Variants in RXRG observed in about 807,000 individuals in gnomAD.
The protein encoded by RXRG is retinoid X receptor gamma.
RXRG carries 19 observed loss-of-function variants against 49.2 expected under a neutral mutation model. The observed-to-expected ratio is 0.39, with a 90% confidence interval of 0.27 to 0.57. The LOEUF is 0.57. Ranked by LOEUF, RXRG falls within the 20% of genes least tolerant of loss-of-function variation. The pLI is 0.64. For missense variants in RXRG, 452 were observed against 592.5 expected, an observed-to-expected ratio of 0.76 and a Z score of 2.46; for synonymous variants, 224 against 216.6, an observed-to-expected ratio of 1.03 and a Z score of -0.30.
At position 165,429,166 on chromosome 1, in the gene RXRG, C is replaced by T. The variant is rs531314662; in HGVS notation, c.50-200G>A. On this transcript the variant is annotated intron_variant, in intron 1 of 9. Transcript: ENST00000359842. ...GCGAGGGACACAGAGGGGAGAGGGC[C>T]TGCTCTAGGACAGAAATAAGCATGG... Among the ~76,000 whole-genome samples, 8 of 152,254 alleles carry T rather than the reference C, an allele frequency of 5.3e-5. No individual in the cohort carries two copies. In the East Asian group the frequency reaches 9.7e-4, roughly 18 times the overall value.
rs754258823 is a variant in RXRG at position 165,428,691 on chromosome 1, A to G, written c.297+28T>C. On this transcript the variant is annotated intron_variant, in intron 2 of 9. Transcript: ENST00000359842. ...GGGTGAAACCATGTAAGATGGCTGG[A>G]AAGGCCTTGGAGAGGAAGAACACTT... 8.4e-6 allele frequency: 13 copies of G among 1,555,146 alleles called. 1 individual carries two copies. Among genetic ancestry groups the G allele is most frequent in the Non-Finnish European group, 1.0e-5 (12 of 1,146,770 alleles).
chr1:165,420,249 A>G (rs149347387), intron 2 of RXRG, among the ~76,000 whole-genome samples: 1 of 152,182 alleles, frequency 6.6e-6, no homozygotes, highest in Non-Finnish European at 1.5e-5. Context: ...ATCACAACAC[A>G]TCTCCATTAG....
In RXRG at chr1:165,437,733, T is replaced by A. The variant is rs118190203; in HGVS notation, c.49+7112A>T. ...CTCATTGACATCTGCCTCCATGGAC[T>A]AACTGGTACATGATGTACCAGTATA... On this transcript the variant is annotated intron_variant, in intron 1 of 9. Transcript: ENST00000359842. Among the ~76,000 whole-genome samples, 707 of 152,286 alleles carry A rather than the reference T, an allele frequency of 4.6e-3. 17 individuals carry two copies. Among genetic ancestry groups the A allele is most frequent in the Admixed American group, 0.033 (508 of 15,290 alleles).
chr1:165,431,654 G>T (rs1222120238), intron 1 of RXRG, among the ~76,000 whole-genome samples: 2 of 152,158 alleles, frequency 1.3e-5, no homozygotes, highest in Non-Finnish European at 2.9e-5. Flanking sequence ...ATCTCAGAGA[G>T]ACTGCGCCTT....
At chr1:165,417,283 A>T in intron 3 of RXRG, 63 bp from the exon 4 acceptor site, 1 of 1,480,756 alleles carries the variant, frequency 6.8e-7, no homozygotes, top group East Asian at 2.3e-5. Context: ...TTTCATTCAA[A>T]AGAACCTCTT....
In RXRG at chr1:165,401,262, C is replaced by T. The variant is rs1208931634; in HGVS notation, c.*1G>A. The T allele has an allele frequency of 7.4e-6, 12 of 1,613,816 alleles. No homozygotes were observed. The highest frequency in any genetic ancestry group is 1.7e-4 in the Middle Eastern group (1 of 6,032). ...GGTGGGGAGGCTGTGGCTGGTGGGG[C>T]TCAGGTGATCTGCAGCGGGGTCTCC... On this transcript the variant is annotated 3_prime_UTR_variant, in exon 10 of 10. Transcript: ENST00000359842.
chr1:165,433,787 G>C (rs1001166806), intron 1 of RXRG, among the ~76,000 whole-genome samples: 25 of 152,234 alleles, frequency 1.6e-4, no homozygotes, highest in African/African-American at 5.5e-4. Flanking sequence ...ACCAGATGCT[G>C]AGGGGTACCT....
intron 9 of RXRG, among the ~76,000 whole-genome samples, chr1:165,406,541 A>G (rs528425361): frequency 6.6e-6 from 1 of 152,330 alleles, no homozygotes; most frequent in African/African-American, 2.4e-5. Context: ...TCCCACATTT[A>G]TTCATTTGTT....
chr1:165,408,352 C>T, intron 7 of RXRG, 34 bp from the exon 8 acceptor site: 2 of 1,477,664 alleles, frequency 1.4e-6, no homozygotes, highest in Middle Eastern at 1.7e-4. Context: ...AATGAGAAAA[C>T]CGTAAGTAAC....
intron 9 of RXRG, among the ~76,000 whole-genome samples, chr1:165,404,670 A>C (rs1036663405): frequency 6.6e-6 from 1 of 152,244 alleles, no homozygotes; most frequent in African/African-American, 2.4e-5. Flanking sequence ...ACACGAGGAT[A>C]CACACGAGAC....
Position 165,401,092 on chromosome 1 carries a change from A to G in RXRG, c.*171T>C. ...AGCGTATTACCTTTAACATCTATAC[A>G]AAAGTCCACCTATAAAAGTCTCATG... On this transcript the variant is annotated 3_prime_UTR_variant, in exon 10 of 10. Transcript: ENST00000359842. The G allele has an allele frequency of 4.9e-6, 3 of 616,876 alleles. No individual in the cohort carries two copies. 38.2% of individuals were successfully genotyped at this position (616,876 alleles called of 1,614,324 possible).
At chr1:165,426,657 T>C (rs187420552) in intron 2 of RXRG, among the ~76,000 whole-genome samples, 25 of 152,308 alleles carry the variant, frequency 1.6e-4, no homozygotes, top group African/African-American at 5.8e-4. Context: ...AAGCCCTTCC[T>C]CCTCTCTAAA....
intron 3 of RXRG, among the ~76,000 whole-genome samples, chr1:165,419,048 T>C (rs1239034873): frequency 6.6e-6 from 1 of 152,236 alleles, no homozygotes; most frequent in African/African-American, 2.4e-5. Context: ...CTTATTATTG[T>C]TCTTCAAATA....
At chr1:165,418,294 C>A (rs1658200064) in intron 3 of RXRG, among the ~76,000 whole-genome samples, 1 of 152,072 alleles carries the variant, frequency 6.6e-6, no homozygotes, top group Non-Finnish European at 1.5e-5. Flanking sequence ...ATGAATCAAT[C>A]ACAATCCTTT....
At chr1:165,444,793 T>C in intron 1 of RXRG, 52 bp downstream of exon 1, 1 of 1,495,152 alleles carries the variant, frequency 6.7e-7, no homozygotes, top group Non-Finnish European at 9.3e-7. Flanking sequence ...TCCCAATTTC[T>C]TCTCAGTCTC....
chr1:165,444,948 C>T lies in RXRG; in HGVS notation c.-55G>A. The T allele has an allele frequency of 6.5e-7, 1 of 1,544,038 alleles. No homozygotes were observed. Among genetic ancestry groups the T allele is most frequent in the Non-Finnish European group, 9.0e-7 (1 of 1,116,216 alleles). On this transcript the variant is annotated 5_prime_UTR_variant, in exon 1 of 10. Transcript: ENST00000359842. Reference sequence around the variant, plus strand: ...GTGCAGCTTCTAAATATTACCGCCTCTCTCGGCTCCCAGGCACAGCCCGGC... The same window carrying T: ...GTGCAGCTTCTAAATATTACCGCCTTTCTCGGCTCCCAGGCACAGCCCGGC...
In RXRG at chr1:165,401,131, T is replaced by A; in HGVS notation, c.*132A>T. On this transcript the variant is annotated 3_prime_UTR_variant, in exon 10 of 10. Coordinates refer to ENST00000359842, the MANE Select transcript of RXRG (RefSeq NM_006917.5). Reference sequence around the variant, plus strand: ...AAAAGTCTCATGTGTAGAAAGGTTTTCTTTATTATAAGCATCACATTTTGG... The same window carrying A: ...AAAAGTCTCATGTGTAGAAAGGTTTACTTTATTATAAGCATCACATTTTGG... 1.4e-6 allele frequency: 1 copy of A among 731,786 alleles called. No homozygotes were observed. Among genetic ancestry groups the A allele is most frequent in the African/African-American group, 3.2e-5 (1 of 31,144 alleles). 45.3% of individuals were successfully genotyped at this position (731,786 alleles called of 1,614,324 possible).
intron 9 of RXRG, 25 bp downstream of exon 9, chr1:165,406,787 T>C (rs1166135088): frequency 6.5e-7 from 1 of 1,544,210 alleles, no homozygotes; most frequent in South Asian, 1.1e-5. Context: ...CTGCTGTTAC[T>C]ACGATTCTGC....
chr1:165,426,543 A>G (rs1658493384), intron 2 of RXRG, among the ~76,000 whole-genome samples: 1 of 152,152 alleles, frequency 6.6e-6, no homozygotes, highest in Non-Finnish European at 1.5e-5. Context: ...ATAACTCCAC[A>G]TGAATTTGTT....
Sources: gnomAD v4.1 joint callset for allele counts (sites outside exome capture counted in the v4.1 genomes callset) on GRCh38, gnomAD v4.1.1 for gene constraint, MANE v1.5 for transcripts, NCBI Gene and HGNC (gene_info 2026-07-23, HGNC 2026-07-21) for gene names.